POU3F3: variants seen among roughly 807,000 people sequenced by gnomAD.
The protein encoded by POU3F3 is POU domain, class 3, transcription factor 3.
POU3F3 carries 1 observed loss-of-function variant against 8.6 expected under a neutral mutation model. The ratio of observed to expected loss-of-function variants is 0.12; its 90% confidence interval spans 0.04 to 0.55. The LOEUF (loss-of-function observed/expected upper bound fraction) is 0.55, where lower values mean the gene tolerates loss of function less well. Ranked by LOEUF, POU3F3 falls within the 20% of genes least tolerant of loss-of-function variation. The probability of loss-of-function intolerance (pLI) is 0.91; values close to 1 mark genes in which losing one functional copy is unlikely to be tolerated. For missense variants in POU3F3, 577 were observed against 690.7 expected, an observed-to-expected ratio of 0.84 and a Z score of 1.84; for synonymous variants, 418 against 327.4, an observed-to-expected ratio of 1.28 and a Z score of -2.99.
chr2:104,886,300 A>G, the POU3F3 span, among the ~76,000 whole-genome samples: 1 of 152,178 alleles, frequency 6.6e-6, no homozygotes, highest in African/African-American at 2.4e-5. Flanking sequence ...GATAGTATAT[A>G]TTTATGGTAC....
At chr2:104,919,556 T>A in the POU3F3 span, among the ~76,000 whole-genome samples, 9 of 152,230 alleles carry the variant, frequency 5.9e-5, no homozygotes. Flanking sequence ...CATGTACAAG[T>A]AACTTCAGCC....
chr2:104,904,942 G>A, the POU3F3 span, among the ~76,000 whole-genome samples: 9 of 152,136 alleles, frequency 5.9e-5, no homozygotes, highest in Non-Finnish European at 1.0e-4. Context: ...TTCCCAGTGA[G>A]CTCACGAAAC....
At chr2:104,919,262 T>C in the POU3F3 span, among the ~76,000 whole-genome samples, 3 of 152,242 alleles carry the variant, frequency 2.0e-5, no homozygotes, top group Admixed American at 6.5e-5. Context: ...CTCCACATCT[T>C]GCTCTCTGGG....
At chr2:104,867,990 T>C in the POU3F3 span, 4 of 333,272 alleles carry the variant, frequency 1.2e-5, no homozygotes, top group Non-Finnish European at 2.4e-5. This position sits in a 1 kb window ranked among gnomAD's most constrained non-coding sequence, Gnocchi z 5.0. Context: ...CATAGAACTC[T>C]GGGGTAACCC....
the POU3F3 span, among the ~76,000 whole-genome samples, chr2:104,911,980 A>C: frequency 1.3e-5 from 2 of 152,232 alleles, no homozygotes; most frequent in Non-Finnish European, 2.9e-5. Context: ...CCTGAAGTCA[A>C]GTCTATCAAT....
the POU3F3 span, among the ~76,000 whole-genome samples, chr2:104,879,153 C>G: frequency 7.2e-5 from 11 of 152,086 alleles, no homozygotes; most frequent in Non-Finnish European, 1.2e-4. Context: ...AGTACACACA[C>G]AATACACATG....
downstream of POU3F3, among the ~76,000 whole-genome samples, chr2:104,859,422 G>T (rs1286363471): frequency 1.3e-5 from 2 of 152,136 alleles, no homozygotes; most frequent in Non-Finnish European, 2.9e-5. Context: ...GACGCTAAAG[G>T]CTCGGCTTAG....
the POU3F3 span, among the ~76,000 whole-genome samples, chr2:104,904,592 T>G: frequency 2.6e-5 from 4 of 151,924 alleles, no homozygotes; most frequent in African/African-American, 9.7e-5. Context: ...TTCCTTACTA[T>G]AAATGTAAGG....
chr2:104,918,502 G>T, the POU3F3 span, among the ~76,000 whole-genome samples: 2 of 152,156 alleles, frequency 1.3e-5, no homozygotes, highest in Admixed American at 1.3e-4. Flanking sequence ...AATGCAAGGT[G>T]ACTGGTGTCC....
rs2104340115 is a variant in POU3F3 at position 104,855,947 on chromosome 2, G to T, written c.437G>T (p.Gly146Val). ...CAGCCGCCGCCGCCACCGCCGCAGG[G>T]CCCCGACGTGAAGGGCGGCGCCGGG... The part of the protein sequence containing the change: ...PPQPPPPPPQ[G>V]PDVKGGAGRD... Residue 146 changes from glycine (G) to valine (V), a missense_variant, in exon 1 of 1, where the codon GGC becomes GTC. This residue lies in a region of POU3F3 where 484 missense variants were observed against 422.6 expected (regional missense o/e 1.15). Transcript: ENST00000361360. The T allele has an allele frequency of 9.4e-7, 1 of 1,060,064 alleles. No homozygotes were observed. The highest frequency in any genetic ancestry group is 2.7e-5 in the South Asian group (1 of 37,242). The allele number at this position is 1,060,064 out of a possible 1,614,324, so 65.7% of individuals were successfully genotyped here.
the POU3F3 span, among the ~76,000 whole-genome samples, chr2:104,875,916 C>T: frequency 6.6e-6 from 1 of 151,972 alleles, no homozygotes; most frequent in Non-Finnish European, 1.5e-5. Flanking sequence ...CAGGGTTTCA[C>T]CATGTTGGCC....
At chr2:104,909,447 C>T in the POU3F3 span, among the ~76,000 whole-genome samples, 2 of 152,250 alleles carry the variant, frequency 1.3e-5, no homozygotes, top group African/African-American at 4.8e-5. Flanking sequence ...CTGTAAGAAG[C>T]CAGTGTCATG....
chr2:104,863,762 G>A, the POU3F3 span, among the ~76,000 whole-genome samples: 2 of 152,222 alleles, frequency 1.3e-5, no homozygotes, highest in Non-Finnish European at 2.9e-5. Flanking sequence ...CGCGTGGAAG[G>A]AGATGCGCTG....
At chr2:104,894,936 G>C in the POU3F3 span, among the ~76,000 whole-genome samples, 3 of 152,038 alleles carry the variant, frequency 2.0e-5, no homozygotes, top group Non-Finnish European at 2.9e-5. Context: ...TTCTGTGCAT[G>C]TGCTCATCTT....
the POU3F3 span, among the ~76,000 whole-genome samples, chr2:104,915,346 T>C: frequency 5.3e-5 from 8 of 152,268 alleles, no homozygotes; most frequent in South Asian, 6.2e-4. Flanking sequence ...CCATGTCAGG[T>C]TGTTCAGCTG....
the POU3F3 span, among the ~76,000 whole-genome samples, chr2:104,888,382 G>A: frequency 1.3e-5 from 2 of 152,190 alleles, no homozygotes; most frequent in Non-Finnish European, 2.9e-5. Flanking sequence ...TGGATAGAAG[G>A]GCAGCTGGGA....
the POU3F3 span, among the ~76,000 whole-genome samples, chr2:104,903,840 T>C: frequency 6.6e-6 from 1 of 152,194 alleles, no homozygotes; most frequent in Non-Finnish European, 1.5e-5. Flanking sequence ...TTCTTTGGCT[T>C]GTACATACAT....
chr2:104,923,657 A>G, the POU3F3 span, among the ~76,000 whole-genome samples: 1 of 152,228 alleles, frequency 6.6e-6, no homozygotes, highest in South Asian at 2.1e-4. Context: ...ACATAGCAAA[A>G]TGACACAAGT....
At chr2:104,894,706 CT>C in the POU3F3 span, among the ~76,000 whole-genome samples, 3 of 152,114 alleles carry the variant, frequency 2.0e-5, no homozygotes, top group African/African-American at 7.2e-5. Flanking sequence ...AAGATCTTTG[CT>C]ATTTCAGTGA....
Sources: gnomAD v4.1 joint callset for allele counts (sites outside exome capture counted in the v4.1 genomes callset) on GRCh38, gnomAD v4.1.1 for gene constraint, gnomAD v4.1.1 regional missense constraint, Gnocchi (gnomAD v3.1) non-coding constraint, MANE v1.5 for transcripts, NCBI Gene and HGNC (gene_info 2026-07-23, HGNC 2026-07-21) for gene names.